BRD9: variants seen among roughly 807,000 people sequenced by gnomAD.
BRD9 encodes the protein bromodomain containing 9, also known as bromodomain-containing protein 9.
A neutral mutation model predicts 68.7 loss-of-function variants in BRD9; 47 were observed. That is an observed-to-expected ratio of 0.68 (90% CI 0.54 to 0.87). The LOEUF (loss-of-function observed/expected upper bound fraction) is 0.87. BRD9 is among the 40% of genes least tolerant of loss of function. BRD9 has a pLI of 0.00. For missense variants in BRD9, 670 were observed against 748.4 expected (o/e 0.90, Z 1.22); for synonymous variants, 313 against 293.9 (o/e 1.06, Z -0.67).
At chr5:873,387 G>A (rs1223343010) in intron 12 of BRD9, among the ~76,000 whole-genome samples, 1 of 152,124 alleles carries the variant, frequency 6.6e-6, no homozygotes, top group East Asian at 1.9e-4. Flanking sequence ...ACAAGCCTAA[G>A]CTAACATTCT....
Position 865,463 on chromosome 5 carries a change from G to A in BRD9, c.1644C>T (p.Ser548=). The A allele has an allele frequency of 6.3e-7, 1 of 1,598,426 alleles. No homozygotes were observed. The highest frequency in any genetic ancestry group is 1.1e-5 in the South Asian group (1 of 90,750). The change falls in exon 15 of 16, where the codon TCC becomes TCT. Residue 548 remains serine, a synonymous_variant. Coordinates refer to ENST00000467963, the MANE Select transcript of BRD9 (RefSeq NM_023924.5). ...QAERGGSRPS[S]NLSSLSNASE... ...AGGCGTTGGACAGGGAGCTGAGGTT[G>A]GACGACGGCCGAGAGCCGCCGCGCT...
chr5:871,097 A>T, intron 13 of BRD9, among the ~76,000 whole-genome samples: 1 of 152,190 alleles, frequency 6.6e-6, no homozygotes, highest in East Asian at 1.9e-4. Context: ...GCCCAAGCCC[A>T]TGCCTGCTGA....
chr5:870,672 T>G (rs1339363127), intron 13 of BRD9, 97 bp from the exon 14 acceptor site: 10 of 869,478 alleles, frequency 1.2e-5, no homozygotes. Flanking sequence ...AATTATTTGC[T>G]AAACGTGAAC....
chr5:864,662 G>A lies in BRD9; in HGVS notation c.1694-94C>T, dbSNP rs894713036. ...CCCAAGGTCTGCTTCCTGACCTACCGCCAGGGCTCAGGGACTCCCAGGACA... is the reference window on the plus strand; with the variant it reads ...CCCAAGGTCTGCTTCCTGACCTACCACCAGGGCTCAGGGACTCCCAGGACA... On this transcript the variant is annotated intron_variant, in intron 15 of 15. Coordinates refer to ENST00000467963, the MANE Select transcript of BRD9 (RefSeq NM_023924.5). The A allele has an allele frequency of 9.9e-6, 11 of 1,112,374 alleles. No individual in the cohort carries two copies. In the East Asian group the frequency reaches 1.8e-4, roughly 18 times the overall value. 68.9% of individuals were successfully genotyped at this position (1,112,374 alleles called of 1,614,324 possible).
intron 7 of BRD9, among the ~76,000 whole-genome samples, chr5:884,326 C>T (rs182091246): frequency 3.9e-5 from 6 of 152,318 alleles, no homozygotes; most frequent in African/African-American, 1.4e-4. Flanking sequence ...GCAGTGCAAA[C>T]TCAGTTAAAG....
intron 9 of BRD9, among the ~76,000 whole-genome samples, chr5:880,842 C>T (rs1385563359): frequency 1.3e-5 from 2 of 152,222 alleles, no homozygotes; most frequent in East Asian, 1.9e-4. Context: ...AAAGGCCTCT[C>T]GGCAGCTTTT....
intron 12 of BRD9, among the ~76,000 whole-genome samples, chr5:871,844 T>C (rs1342875348): frequency 4.6e-5 from 7 of 152,206 alleles, no homozygotes; most frequent in African/African-American, 1.2e-4. Context: ...AGGACGCCGA[T>C]GCTGTTTCGG....
Position 883,927 on chromosome 5 carries a change from C to A in BRD9, c.966+11G>T. The A allele has an allele frequency of 6.2e-7, 1 of 1,609,696 alleles. No individual in the cohort carries two copies. The highest frequency in any genetic ancestry group is 8.5e-7 in the Non-Finnish European group (1 of 1,179,338). On this transcript the variant is annotated intron_variant, in intron 8 of 15. Transcript: ENST00000467963. Reference sequence around the variant, plus strand: ...ACGTGGCACCCTCTCTCGGTGGCCACAGAGCACTACCTTGCCGCCTGGGAG... The same window carrying A: ...ACGTGGCACCCTCTCTCGGTGGCCAAAGAGCACTACCTTGCCGCCTGGGAG...
At position 872,402 on chromosome 5, in the gene BRD9, G is replaced by A. The variant is rs146623560; in HGVS notation, c.1384-838C>T. On this transcript the variant is annotated intron_variant, in intron 12 of 15. Transcript: ENST00000467963. ...ACTCCATATCCAAGTTCACTTTCCC[G>A]AAAGGAATCTAACTGGAACCCAGAG... Among the ~76,000 whole-genome samples the A allele has an allele frequency of 9.8e-3, 1,496 of 152,282 alleles. 17 individuals carry two copies. Among genetic ancestry groups the A allele is most frequent in the Non-Finnish European group, 0.013 (917 of 68,030 alleles).
Position 878,437 on chromosome 5 carries a change from C to G in BRD9, c.1189G>C (p.Val397Leu). 1 of 1,614,284 alleles carries G rather than the reference C, an allele frequency of 6.2e-7. No homozygotes were observed. The highest frequency in any genetic ancestry group is 8.5e-7 in the Non-Finnish European group (1 of 1,180,054). Residue 397 changes from valine (V) to leucine (L), a missense_variant, in exon 11 of 16, where the codon GTA (valine) becomes CTA (leucine). Physicochemically the swap from Val to Leu is conservative, Grantham distance 32 (BLOSUM62 1). Transcript: ENST00000467963. ...TCGTCCGACTTCAAGTCGCCAAATACTGAATTATTCTGCATCGAAAGCGCA... is the reference window on the plus strand; with the variant it reads ...TCGTCCGACTTCAAGTCGCCAAATAGTGAATTATTCTGCATCGAAAGCGCA... ...TTALSMQNNSVFGDLKSDEME... is the reference protein window; with the variant it reads ...TTALSMQNNSLFGDLKSDEME...
chr5:892,302 A>T (rs1480803212), intron 1 of BRD9: 1 of 544,846 alleles, frequency 1.8e-6, no homozygotes, highest in Non-Finnish European at 3.0e-6. Context: ...AGGGCAGCCC[A>T]GCTTCTCCCT....
In BRD9 at chr5:871,512, G is replaced by A; in HGVS notation, c.1422+14C>T. ...AATAATATTTGGCTTGCCCTTCCAT[G>A]TTCAAAAACTTACCTTGGCTTCATC... On this transcript the variant is annotated intron_variant, in intron 13 of 15. Transcript: ENST00000467963. The A allele has an allele frequency of 1.2e-6, 2 of 1,613,318 alleles. No homozygotes were observed. Among genetic ancestry groups the A allele is most frequent in the Non-Finnish European group, 1.7e-6 (2 of 1,179,246 alleles).
At chr5:890,059 G>A (rs555980673) in intron 3 of BRD9, 4 of 344,248 alleles carry the variant, frequency 1.2e-5, no homozygotes, top group East Asian at 7.5e-5. Context: ...TGGCCGGCGT[G>A]GTGGTGCGTG....
chr5:876,338 G>C (rs1750925322), intron 11 of BRD9, 126 bp from the exon 12 acceptor site: 2 of 636,900 alleles, frequency 3.1e-6, no homozygotes, highest in Non-Finnish European at 5.4e-6. Context: ...TCCCAGAGCG[G>C]GTATTTTGTG....
At chr5:873,161 T>C (rs1322010081) in intron 12 of BRD9, among the ~76,000 whole-genome samples, 2 of 152,034 alleles carry the variant, frequency 1.3e-5, no homozygotes, top group East Asian at 1.9e-4. Flanking sequence ...TGAGACTCTA[T>C]GTCTCAAAAA....
At chr5:886,821 G>A in intron 6 of BRD9, 114 bp from the exon 7 acceptor site, 1 of 1,557,344 alleles carries the variant, frequency 6.4e-7, no homozygotes, top group Non-Finnish European at 8.7e-7. Flanking sequence ...CACAGCCAGG[G>A]TGCCGTGACG....
At chr5:870,341 C>A (rs56407886) in intron 14 of BRD9, 132 bp downstream of exon 14, 8,753 of 697,366 alleles carry the variant, frequency 0.013, 458 homozygotes, top group African/African-American at 0.12. Context: ...GGGACAAAGA[C>A]CAAATACCGT....
chr5:882,741 C>G (rs950417889), intron 8 of BRD9, among the ~76,000 whole-genome samples: 6 of 150,536 alleles, frequency 4.0e-5, no homozygotes, highest in East Asian at 2.0e-4. Flanking sequence ...CTTCCCAACA[C>G]GCAAGCCACG....
intron 4 of BRD9, 72 bp from the exon 5 acceptor site, chr5:889,237 A>T (rs1752993988): frequency 6.7e-7 from 1 of 1,486,968 alleles, no homozygotes; most frequent in African/African-American, 1.4e-5. Flanking sequence ...ACAATCCAAA[A>T]ATTGGATACA....
Sources: gnomAD v4.1 joint callset for allele counts (sites outside exome capture counted in the v4.1 genomes callset) on GRCh38, gnomAD v4.1.1 for gene constraint, MANE v1.5 for transcripts, NCBI Gene and HGNC (gene_info 2026-07-23, HGNC 2026-07-21) for gene names.